CD2AP: variants seen among roughly 807,000 people sequenced by gnomAD.
CD2AP encodes the protein CD2 associated protein, also known as CD2-associated protein.
In CD2AP, 46 loss-of-function variants were observed where a neutral mutation model predicts 85.1. The observed-to-expected ratio is 0.54, with a 90% CI of 0.43 to 0.69. CD2AP has a LOEUF of 0.69. Among genes scored for constraint, CD2AP ranks in the 30% least tolerant of loss-of-function variants. The probability of loss-of-function intolerance (pLI) is 0.00; values close to 1 mark genes in which losing one functional copy is unlikely to be tolerated. For synonymous variants in CD2AP, 255 were observed against 252.9 expected, an observed-to-expected ratio of 1.01 and a Z score of -0.08; for missense variants, 769 against 729.5, an observed-to-expected ratio of 1.05 and a Z score of -0.62.
At chr6:47,600,244 A>G (rs1439865031) in intron 13 of CD2AP, among the ~76,000 whole-genome samples, 2 of 151,928 alleles carry the variant, frequency 1.3e-5, no homozygotes, top group Non-Finnish European at 2.9e-5. Flanking sequence ...TTAAATAAGC[A>G]CTATCACATA....
chr6:47,600,701 G>C (rs545319584), intron 13 of CD2AP, among the ~76,000 whole-genome samples: 1 of 151,880 alleles, frequency 6.6e-6, no homozygotes, highest in Non-Finnish European at 1.5e-5. Context: ...AACAGAAAAA[G>C]AATCCTCATG....
At chr6:47,539,666 A>G (rs1178231168) in intron 3 of CD2AP, among the ~76,000 whole-genome samples, 1 of 152,072 alleles carries the variant, frequency 6.6e-6, no homozygotes, top group Non-Finnish European at 1.5e-5. Flanking sequence ...TCATTGGTAA[A>G]TGAGATAGTG....
intron 3 of CD2AP, among the ~76,000 whole-genome samples, chr6:47,543,210 T>A (rs1767279342): frequency 6.7e-6 from 1 of 149,816 alleles, no homozygotes; most frequent in Non-Finnish European, 1.5e-5. Flanking sequence ...AGAAAGCTAT[T>A]TGGGAGTGTC....
At chr6:47,593,026 G>A (rs948267958) in intron 11 of CD2AP, among the ~76,000 whole-genome samples, 3 of 152,046 alleles carry the variant, frequency 2.0e-5, no homozygotes, top group African/African-American at 2.4e-5. Context: ...AGTCTTGTGG[G>A]TCTGAGCCTT....
intron 17 of CD2AP, among the ~76,000 whole-genome samples, chr6:47,614,559 T>C (rs1447025254): frequency 1.3e-5 from 2 of 152,180 alleles, no homozygotes; most frequent in Non-Finnish European, 1.5e-5. Context: ...CAAAGATCAC[T>C]GGTCACAAAT....
chr6:47,509,935 CTCT>C (rs1239418737), intron 2 of CD2AP, among the ~76,000 whole-genome samples: 1 of 152,030 alleles, frequency 6.6e-6, no homozygotes, highest in Admixed American at 6.6e-5. Context: ...TTATATAGTT[CTCT>C]TGAGTGTATG....
chr6:47,586,303 G>A (rs1248490818), intron 11 of CD2AP, among the ~76,000 whole-genome samples: 2 of 152,198 alleles, frequency 1.3e-5, no homozygotes, highest in African/African-American at 2.4e-5. Context: ...GTCCAGTAGA[G>A]TGGAAACTGC....
chr6:47,604,119 A>G (rs898707733), intron 13 of CD2AP, among the ~76,000 whole-genome samples: 1 of 152,092 alleles, frequency 6.6e-6, no homozygotes, highest in Admixed American at 6.6e-5. Context: ...TAAAAATTTT[A>G]TGTGTTCCTA....
At chr6:47,505,217 A>T (rs1230113371) in intron 2 of CD2AP, among the ~76,000 whole-genome samples, 1 of 144,848 alleles carries the variant, frequency 6.9e-6, no homozygotes, top group East Asian at 2.0e-4. Flanking sequence ...GAGATTAGGG[A>T]TTGGTGATGA....
chr6:47,577,029 T>G lies in CD2AP; in HGVS notation c.829T>G (p.Leu277Val). The change falls in exon 8 of 18, where the codon TTA (leucine) becomes GTA (valine). Residue 277 changes from leucine (L) to valine (V), a missense_variant. Physicochemically the swap from Leu to Val is conservative, Grantham distance 32 (BLOSUM62 1). Transcript: ENST00000359314. The part of the protein sequence containing the change: ...KIKAKEYCRT[L>V]FAYEGTNEDE... ...TTCAGCTAAAGAATATTGTAGAACA[T>G]TATTTGCCTATGAAGGTACTAATGA... is the stretch of plus-strand genomic sequence containing the variant. 1.3e-6 allele frequency: 2 copies of G among 1,497,476 alleles called. No individual in the cohort carries two copies. Among genetic ancestry groups the G allele is most frequent in the Non-Finnish European group, 9.3e-7 (1 of 1,074,000 alleles). The allele number at this position is 1,497,476 out of a possible 1,614,324, so 92.8% of individuals were successfully genotyped here. A position where few individuals can be genotyped will look rare whatever the true frequency, so the allele number is the denominator to read the frequency against.
At chr6:47,582,475 G>A (rs895775193) in intron 11 of CD2AP, among the ~76,000 whole-genome samples, 1 of 152,070 alleles carries the variant, frequency 6.6e-6, no homozygotes, top group African/African-American at 2.4e-5. Flanking sequence ...TGTAAACCTG[G>A]AAAGTTATTC....
At chr6:47,548,058 C>T (rs1294171194) in intron 4 of CD2AP, among the ~76,000 whole-genome samples, 1 of 151,966 alleles carries the variant, frequency 6.6e-6, no homozygotes, top group African/African-American at 2.4e-5. Flanking sequence ...TAACTTTTAA[C>T]TTAAAAGTCA....
At chr6:47,603,316 T>G (rs946037894) in intron 13 of CD2AP, among the ~76,000 whole-genome samples, 15 of 152,106 alleles carry the variant, frequency 9.9e-5, no homozygotes, top group Admixed American at 5.3e-4. Flanking sequence ...CATATTTTTC[T>G]TCTTTGATAC....
At chr6:47,483,792 GTTTTTT>G (rs1381345401) in intron 1 of CD2AP, among the ~76,000 whole-genome samples, 1 of 113,994 alleles carries the variant, frequency 8.8e-6, no homozygotes, top group Admixed American at 8.9e-5. Flanking sequence ...TGATGTGCCT[GTTTTTT>G]TTTTTTTTTT....
At chr6:47,551,837 T>C (rs1433610084) in intron 4 of CD2AP, among the ~76,000 whole-genome samples, 1 of 152,198 alleles carries the variant, frequency 6.6e-6, no homozygotes, top group East Asian at 1.9e-4. Flanking sequence ...TGGAGAGCCA[T>C]TATGTTAGCC....
rs777904060 is a variant in CD2AP, at chr6:47,574,251, G to T, written c.729G>T (p.Lys243Asn). 2 of 1,613,258 alleles carry T rather than the reference G, an allele frequency of 1.2e-6. No homozygotes were observed. Among genetic ancestry groups the T allele is most frequent in the East Asian group, 2.2e-5 (1 of 44,838 alleles). Residue 243 changes from lysine (K) to asparagine (N), a missense_variant and splice_region_variant, in exon 6 of 18, where the codon AAG (lysine) becomes AAT (asparagine). Coordinates refer to ENST00000359314, the MANE Select transcript of CD2AP (RefSeq NM_012120.3). ...AAACAGAAGAGAAAAAACCAGAAAAGGTGGTAATGATGGACTTGTTAGATT... is the reference window on the plus strand; with the variant it reads ...AAACAGAAGAGAAAAAACCAGAAAATGTGGTAATGATGGACTTGTTAGATT... Reference protein sequence around the residue: ...SSETEEKKPEKPLILQSLGPK... With the variant: ...SSETEEKKPENPLILQSLGPK...
rs1769849472 is a variant in CD2AP at position 47,624,469 on chromosome 6, T to C, written c.*242T>C. 2.2e-6 allele frequency: 1 copy of C among 464,120 alleles called. No individual in the cohort carries two copies. 28.8% of individuals were successfully genotyped at this position (464,120 alleles called of 1,614,324 possible). ...GGGATTGCAAACACTTTTTAAAAAATTGTTTGCTTGAAAATACTACTGAAT... is the reference window on the plus strand; with the variant it reads ...GGGATTGCAAACACTTTTTAAAAAACTGTTTGCTTGAAAATACTACTGAAT... On this transcript the variant is annotated 3_prime_UTR_variant, in exon 18 of 18. Transcript: ENST00000359314.
At chr6:47,611,475 G>C (rs573473777) in intron 16 of CD2AP, among the ~76,000 whole-genome samples, 1 of 151,650 alleles carries the variant, frequency 6.6e-6, no homozygotes, top group Non-Finnish European at 1.5e-5. Context: ...AGAGGTTTTC[G>C]CTTTACTCTT....
intron 17 of CD2AP, among the ~76,000 whole-genome samples, chr6:47,620,051 C>T (rs1582633204): frequency 6.6e-6 from 1 of 152,218 alleles, no homozygotes; most frequent in African/African-American, 2.4e-5. Context: ...ATTTGCCATG[C>T]AAAAGCTCTT....
Sources: gnomAD v4.1 joint callset for allele counts (sites outside exome capture counted in the v4.1 genomes callset) on GRCh38, gnomAD v4.1.1 for gene constraint, MANE v1.5 for transcripts, NCBI Gene and HGNC (gene_info 2026-07-23, HGNC 2026-07-21) for gene names.